RAB3GAP2: variants seen among roughly 807,000 people sequenced by gnomAD.
The protein encoded by RAB3GAP2 is RAB3 GTPase activating non-catalytic protein subunit 2, also known as rab3 GTPase-activating protein non-catalytic subunit.
A neutral mutation model predicts 185.3 loss-of-function variants in RAB3GAP2; 87 were observed. The observed-to-expected ratio is 0.47, with a 90% CI of 0.39 to 0.56. RAB3GAP2 has a LOEUF of 0.56. RAB3GAP2 is among the 20% of genes least tolerant of loss of function. The pLI is 0.00. For synonymous variants in RAB3GAP2, 554 were observed against 576.1 expected, an observed-to-expected ratio of 0.96 and a Z score of 0.55; for missense variants, 1,492 against 1,638.2, an observed-to-expected ratio of 0.91 and a Z score of 1.54.
intron 8 of RAB3GAP2, among the ~76,000 whole-genome samples, chr1:220,204,872 T>C (rs577763555): frequency 6.6e-6 from 1 of 152,058 alleles, no homozygotes; most frequent in Admixed American, 6.5e-5. Flanking sequence ...TTGCTGAGAA[T>C]GGTTTCCAGT....
intron 8 of RAB3GAP2, among the ~76,000 whole-genome samples, chr1:220,203,938 C>G (rs912210893): frequency 6.6e-6 from 1 of 151,996 alleles, no homozygotes; most frequent in Admixed American, 6.6e-5. Context: ...TTTCAGATCC[C>G]AATTTTACAG....
chr1:220,165,814 G>A (rs1658051878), intron 26 of RAB3GAP2, among the ~76,000 whole-genome samples: 2 of 152,118 alleles, frequency 1.3e-5, no homozygotes, highest in Admixed American at 6.6e-5. Flanking sequence ...ACATTGAAAC[G>A]AAGAGTTCAG....
intron 21 of RAB3GAP2, among the ~76,000 whole-genome samples, chr1:220,180,805 TCA>T: frequency 1.3e-5 from 2 of 152,200 alleles, no homozygotes; most frequent in East Asian, 1.9e-4. Context: ...ATCAACAAGC[TCA>T]CAGAGGTAGG....
rs143415462 is a variant in RAB3GAP2 at position 220,210,480 on chromosome 1, G to C, written c.520C>G (p.Leu174Val). ...YVRFYTENGVLLLAQLLNEDP... is the reference protein window; with the variant it reads ...YVRFYTENGVVLLAQLLNEDP... ...TCATTCAAAAGCTGTGCAAGCAAGA[G>C]CACACCATTCTAGGAGGAAGCACAG... The change falls in exon 7 of 35, where the codon CTC becomes GTC. Residue 174 changes from leucine to valine, a missense_variant. Leu to Val is a conservative substitution (Grantham distance 32, BLOSUM62 1). Transcript: ENST00000358951. The C allele has an allele frequency of 8.0e-5, 129 of 1,613,334 alleles. No individual in the cohort carries two copies. In the East Asian group the frequency reaches 2.8e-3, roughly 35 times the overall value.
chr1:220,256,348 C>A (rs564979571), intron 1 of RAB3GAP2, among the ~76,000 whole-genome samples: 10 of 152,282 alleles, frequency 6.6e-5, no homozygotes, highest in African/African-American at 2.4e-4. Flanking sequence ...ACCATATAAA[C>A]AAGTCTGCAA....
At chr1:220,270,360 G>C (rs150680731) in intron 1 of RAB3GAP2, among the ~76,000 whole-genome samples, 9 of 152,300 alleles carry the variant, frequency 5.9e-5, no homozygotes, top group African/African-American at 1.7e-4. Context: ...ACTTTTTGCT[G>C]TTAGCTCCCC....
Position 220,196,315 on chromosome 1 carries a change from G to T in RAB3GAP2, c.895C>A (p.Pro299Thr). The T allele has an allele frequency of 6.2e-7, 1 of 1,611,710 alleles. No individual in the cohort carries two copies. The highest frequency in any genetic ancestry group is 1.7e-5 in the Admixed American group (1 of 59,996). The change falls in exon 10 of 35, where the codon CCT becomes ACT. Residue 299 changes from proline (P) to threonine (T), a missense_variant. Around this residue, in one of 5 missense-constraint regions of RAB3GAP2, gnomAD observed 243 missense variants for 314.8 expected, o/e 0.77. Transcript: ENST00000358951. ...ACAGTGATATACTGAGACATGGCAG[G>T]TGGACTATTTTTAATTGCTGCATTA... Reference protein sequence around the residue: ...GFNAAIKNSPPAMSQYITVGS... With the variant: ...GFNAAIKNSPTAMSQYITVGS...
chr1:220,211,784 T>C (rs1400137311), intron 4 of RAB3GAP2, among the ~76,000 whole-genome samples: 1 of 152,220 alleles, frequency 6.6e-6, no homozygotes, highest in African/African-American at 2.4e-5. Flanking sequence ...ACAAAATTCA[T>C]CTTCGTGTTT....
rs140309039 is a variant in RAB3GAP2, at chr1:220,154,102, AG to A, written c.3556-46del. 35,382 of 1,605,730 alleles carry A rather than the reference AG, an allele frequency of 0.022. 1,451 individuals carry two copies. Among genetic ancestry groups the A allele is most frequent in the East Asian group, 0.2 (8,835 of 44,596 alleles). Reference sequence around the variant, plus strand: ...GAAAACTGATGAGTGTGGATTATTAAGGGGGGAGAGGGAGAAAGATTTGTTT... The same window carrying A: ...GAAAACTGATGAGTGTGGATTATTAAGGGGGAGAGGGAGAAAGATTTGTTT... On this transcript the variant is annotated intron_variant, in intron 31 of 34. Transcript: ENST00000358951.
In RAB3GAP2 at chr1:220,157,304, T is replaced by A; in HGVS notation, c.3521A>T (p.Lys1174Met). The A allele has an allele frequency of 6.2e-7, 1 of 1,613,992 alleles. No individual in the cohort carries two copies. Residue 1174 changes from lysine (K) to methionine (M), a missense_variant, in exon 31 of 35, where the codon AAG (lysine) becomes ATG (methionine). By Grantham distance (95) the Lys-to-Met change is moderately conservative. Coordinates refer to ENST00000358951, the MANE Select transcript of RAB3GAP2 (RefSeq NM_012414.4). ...ILYAVMRFSLKTVKPLSLFDS... is the reference protein window; with the variant it reads ...ILYAVMRFSLMTVKPLSLFDS... ...AAAAAGTGAAAGTGGCTTCACGGTC[T>A]TCAGAGAAAACCTCATGACTGCATA...
chr1:220,234,041 C>A (rs1185728003), intron 1 of RAB3GAP2, among the ~76,000 whole-genome samples: 1 of 152,170 alleles, frequency 6.6e-6, no homozygotes, highest in South Asian at 2.1e-4. Flanking sequence ...TTGTTCAAAT[C>A]CTGATCTAGC....
intron 9 of RAB3GAP2, among the ~76,000 whole-genome samples, chr1:220,199,668 T>C (rs1399304022): frequency 6.6e-6 from 1 of 152,178 alleles, no homozygotes; most frequent in East Asian, 1.9e-4. Flanking sequence ...AACTCTTTAT[T>C]TGACTACCTT....
At chr1:220,245,598 C>T (rs1027062786) in intron 1 of RAB3GAP2, among the ~76,000 whole-genome samples, 4 of 151,952 alleles carry the variant, frequency 2.6e-5, no homozygotes, top group African/African-American at 7.3e-5. Context: ...GGGAGGGGCG[C>T]CCGCCATTGC....
intron 1 of RAB3GAP2, chr1:220,253,930 G>GGA: frequency 6.2e-7 from 1 of 1,613,746 alleles, no homozygotes; most frequent in South Asian, 1.1e-5. Context: ...ACCTGGAAAT[G>GGA]GAGATGGTGG....
rs1264502787 is a variant in RAB3GAP2, at chr1:220,191,236, T to C, written c.1319A>G (p.His440Arg). 1.2e-6 allele frequency: 2 copies of C among 1,613,796 alleles called. No individual in the cohort carries two copies. Among genetic ancestry groups the C allele is most frequent in the Non-Finnish European group, 1.7e-6 (2 of 1,179,924 alleles). ...ATCTGCCTTTTCTGGCACTCTTTCA[T>C]GGAGGTCCTCTACAGTTTGAATCCA... ...IGWIQTVEDL[H>R]ERVPEKADFS... The change falls in exon 14 of 35, where the codon CAT becomes CGT. Residue 440 changes from histidine (H) to arginine (R), a missense_variant. Transcript: ENST00000358951.
chr1:220,225,481 T>C (rs1659387288), intron 2 of RAB3GAP2, among the ~76,000 whole-genome samples: 1 of 152,270 alleles, frequency 6.6e-6, no homozygotes. Context: ...GTTCTGTGCA[T>C]TGAAAGATGC....
chr1:220,227,858 T>C (rs940107227), intron 2 of RAB3GAP2, among the ~76,000 whole-genome samples: 7 of 152,128 alleles, frequency 4.6e-5, no homozygotes, highest in Admixed American at 3.3e-4. Context: ...TTCAAGCAGT[T>C]CTCCTCCCTT....
intron 2 of RAB3GAP2, among the ~76,000 whole-genome samples, chr1:220,218,471 G>A (rs1055151070): frequency 6.6e-6 from 1 of 152,008 alleles, no homozygotes; most frequent in African/African-American, 2.4e-5. Context: ...ACATCATTCT[G>A]AGCAAACTAT....
intron 31 of RAB3GAP2, among the ~76,000 whole-genome samples, chr1:220,156,669 C>T (rs1490079945): frequency 6.6e-6 from 1 of 152,086 alleles, no homozygotes; most frequent in African/African-American, 2.4e-5. Context: ...TATGCCTGAA[C>T]TAGGGTTATA....
Sources: allele counts gnomAD v4.1 joint callset (sites outside exome capture counted in the v4.1 genomes callset), GRCh38; gene constraint gnomAD v4.1.1; regional missense constraint gnomAD v4.1.1; transcripts MANE v1.5; gene names NCBI Gene and HGNC (gene_info 2026-07-23, HGNC 2026-07-21).